The following TJAP1 variants were observed in gnomAD, a reference collection of about 807,000 sequenced individuals.
TJAP1 encodes tight junction-associated protein 1.
In TJAP1, 27 loss-of-function variants were observed where a neutral mutation model predicts 42.0. That is an observed-to-expected ratio of 0.64 (90% CI 0.47 to 0.89). The LOEUF is 0.89. Ranked by LOEUF, TJAP1 falls within the 40% of genes least tolerant of loss-of-function variation. The pLI, the probability that TJAP1 is intolerant of heterozygous loss-of-function variation, is 0.00. For missense variants in TJAP1, 712 were observed against 726.9 expected (o/e 0.98, Z 0.24); for synonymous variants, 257 against 288.4 (o/e 0.89, Z 1.10).
Position 43,505,948 on chromosome 6 carries a change from C to T in TJAP1, c.*93C>T. 15 of 1,349,122 alleles carry T rather than the reference C, an allele frequency of 1.1e-5. No homozygotes were observed. The highest frequency in any genetic ancestry group is 1.4e-5 in the Non-Finnish European group (14 of 1,032,544). The allele number at this position is 1,349,122 out of a possible 1,614,324, so 83.6% of individuals were successfully genotyped here. A position where few individuals can be genotyped will look rare whatever the true frequency, so the allele number is the denominator to read the frequency against. ...AGGGTCCCCAGTCCAAGCCCTTGAC[C>T]TCTCCTCTATCCAGACCCGCACAGC... On this transcript the variant is annotated 3_prime_UTR_variant, in exon 11 of 11. Transcript: ENST00000372449. This position sits in a 1 kb window ranked among gnomAD's most constrained non-coding sequence, Gnocchi z 5.5.
intron 6 of TJAP1, among the ~76,000 whole-genome samples, 199 bp from the exon 7 acceptor site, chr6:43,502,072 ACACACTCTCTCT>A (rs1159687801): frequency 8.5e-6 from 1 of 117,162 alleles, no homozygotes; most frequent in African/African-American, 4.6e-5. Flanking sequence ...ACACACACAC[ACACACTCTCTCT>A]CTCTCTCTCT....
At position 43,505,450 on chromosome 6, in the gene TJAP1, A is replaced by T; in HGVS notation, c.1269A>T (p.Pro423=). ...AGCGGGCATTTGTGGACCGTACTCC[A>T]CCACCTGCTGCTGTGGCCCAGCGCA... Residue 423 remains proline (P), a synonymous_variant, in exon 11 of 11, where the codon CCA becomes CCT. Transcript: ENST00000372449. The surrounding 1 kb of genome is among the most constrained non-coding windows in gnomAD (Gnocchi z 5.5). The T allele has an allele frequency of 6.2e-7, 1 of 1,613,236 alleles. No individual in the cohort carries two copies. Among genetic ancestry groups the T allele is most frequent in the South Asian group, 1.1e-5 (1 of 91,070 alleles).
At chr6:43,482,986 G>A (rs1281738211) in intron 2 of TJAP1, among the ~76,000 whole-genome samples, 14 of 152,156 alleles carry the variant, frequency 9.2e-5, no homozygotes, top group Admixed American at 8.5e-4. Flanking sequence ...GTTGGGCGTG[G>A]TGGTGCGTAC....
chr6:43,493,071 G>A (rs934312921), intron 2 of TJAP1, among the ~76,000 whole-genome samples: 3 of 152,188 alleles, frequency 2.0e-5, no homozygotes, highest in African/African-American at 7.2e-5. Context: ...AATTAAGGTG[G>A]CATACAACAC....
rs1004648272 is a variant in TJAP1 at position 43,492,859 on chromosome 6, C to T, written c.-121-5022C>T. Among the ~76,000 whole-genome samples the T allele has an allele frequency of 2.6e-5, 4 of 152,138 alleles. No individual in the cohort carries two copies. The highest frequency in any genetic ancestry group is 9.7e-5 in the African/African-American group (4 of 41,414). Reference sequence around the variant, plus strand: ...CCAGACTTGTGTGGCGGGAGTGTAGCTGACCCCCACTGGGGCACAGCTTCC... The same window carrying T: ...CCAGACTTGTGTGGCGGGAGTGTAGTTGACCCCCACTGGGGCACAGCTTCC... On this transcript the variant is annotated intron_variant, in intron 2 of 10. Transcript: ENST00000372449. The surrounding 1 kb of genome is among the most constrained non-coding windows in gnomAD (Gnocchi z 4.2).
Position 43,502,353 on chromosome 6 carries a change from A to G in TJAP1, c.357+4A>G. On this transcript the variant is annotated splice_donor_region_variant and intron_variant, in intron 7 of 10. Transcript: ENST00000372449. ...GGAGGACAAGCTGCACACACTGGTA[A>G]TCTGTCTGGGAGGGCAGCTTGGTGG... 1 of 1,613,430 alleles carries G rather than the reference A, an allele frequency of 6.2e-7. No homozygotes were observed. The highest frequency in any genetic ancestry group is 8.5e-7 in the Non-Finnish European group (1 of 1,179,908).
intron 2 of TJAP1, among the ~76,000 whole-genome samples, chr6:43,484,606 A>G (rs1316851963): frequency 6.6e-6 from 1 of 152,248 alleles, no homozygotes; most frequent in African/African-American, 2.4e-5. Context: ...AGCCAGGAGC[A>G]TTTTGAGGTG....
intron 2 of TJAP1, among the ~76,000 whole-genome samples, chr6:43,487,084 G>A (rs1425119460): frequency 1.3e-5 from 2 of 152,160 alleles, no homozygotes; most frequent in African/African-American, 4.8e-5. Flanking sequence ...AAGTCTCCTT[G>A]ACTGGTCCTG....
chr6:43,501,212 G>A, intron 5 of TJAP1: 2 of 395,318 alleles, frequency 5.1e-6, no homozygotes, highest in Non-Finnish European at 4.6e-6. Context: ...GACATGGGCT[G>A]TAACCAGAGA....
chr6:43,482,239 G>A (rs998340328), intron 2 of TJAP1, among the ~76,000 whole-genome samples: 2 of 152,162 alleles, frequency 1.3e-5, no homozygotes, highest in African/African-American at 4.8e-5. Flanking sequence ...GAGTTGCAAG[G>A]TGAAGGATGA....
At chr6:43,486,180 G>C (rs1036751376) in intron 2 of TJAP1, among the ~76,000 whole-genome samples, 1 of 151,948 alleles carries the variant, frequency 6.6e-6, no homozygotes, top group Non-Finnish European at 1.5e-5. Flanking sequence ...GGCCAGGCTA[G>C]TCTGGAACTC....
At chr6:43,503,682 C>T (rs1279161123) in exon 10 of TJAP1, 3 of 1,614,206 alleles carry the variant, frequency 1.9e-6, no homozygotes, top group Non-Finnish European at 2.5e-6. Context: ...ACAAGTCCCA[C>T]TTCCGAAACC....
exon 9 of TJAP1, chr6:43,503,471 A>C (rs1177622678): frequency 6.2e-7 from 1 of 1,614,078 alleles, no homozygotes. Context: ...AAGCTGCTGG[A>C]TGCCAAGAAC....
intron 10 of TJAP1, 151 bp from the exon 11 acceptor site, chr6:43,504,610 G>A: frequency 4.1e-6 from 4 of 981,980 alleles, no homozygotes; most frequent in Non-Finnish European, 6.1e-6. Flanking sequence ...GTGAAGTGAG[G>A]GTATACACAC....
chr6:43,493,453 T>C (rs1020981221), intron 2 of TJAP1, among the ~76,000 whole-genome samples: 1 of 152,142 alleles, frequency 6.6e-6, no homozygotes, highest in Non-Finnish European at 1.5e-5. Context: ...GAGGTAGTAG[T>C]GCAGAACGTG....
At chr6:43,484,440 C>CAAG (rs891247100) in intron 2 of TJAP1, among the ~76,000 whole-genome samples, 2 of 152,094 alleles carry the variant, frequency 1.3e-5, no homozygotes, top group Non-Finnish European at 2.9e-5. Flanking sequence ...TCCTGGGGCA[C>CAAG]AAGAGCGAGA....
Position 43,491,445 on chromosome 6 carries a change from C to T in TJAP1, c.-121-6436C>T, listed in dbSNP as rs1787808707. Among the ~76,000 whole-genome samples the T allele has an allele frequency of 6.6e-6, 1 of 152,078 alleles. No individual in the cohort carries two copies. Among genetic ancestry groups the T allele is most frequent in the Non-Finnish European group, 1.5e-5 (1 of 68,008 alleles). On this transcript the variant is annotated intron_variant, in intron 2 of 10. Transcript: ENST00000372449. The surrounding 1 kb of genome is among the most constrained non-coding windows in gnomAD (Gnocchi z 4.6). ...AGCTGGGATTACAGGCATGCGCCAC[C>T]ACGCCCGGCTCATTTTGTATTTTTA...
In TJAP1 at chr6:43,505,631, G is replaced by T; in HGVS notation, c.1450G>T (p.Glu484Ter). ...TGACTCTGGCTTTCCCAGGGAGGAA[G>T]AAGAGCTGAACCTGCCTATCAGTCC... Residue 484 changes from glutamate to a stop codon, truncating the protein, a stop_gained, in exon 11 of 11, where the codon GAA becomes TAA. Coordinates refer to ENST00000372449, the Ensembl canonical transcript of TJAP1. LOFTEE classifies it high-confidence loss of function. The surrounding 1 kb of genome is among the most constrained non-coding windows in gnomAD (Gnocchi z 5.5). 1 of 1,613,358 alleles carries T rather than the reference G, an allele frequency of 6.2e-7. No individual in the cohort carries two copies. Among genetic ancestry groups the T allele is most frequent in the Non-Finnish European group, 8.5e-7 (1 of 1,180,032 alleles).
chr6:43,500,950 G>A (rs1348918867), intron 5 of TJAP1, 178 bp downstream of exon 5: 1 of 694,046 alleles, frequency 1.4e-6, no homozygotes, highest in Non-Finnish European at 2.5e-6. Flanking sequence ...CTGGAAAATG[G>A]GATTTTATTG....
Sources: allele counts gnomAD v4.1 joint callset (sites outside exome capture counted in the v4.1 genomes callset), GRCh38; gene constraint gnomAD v4.1.1; non-coding constraint Gnocchi (gnomAD v3.1); transcripts MANE v1.5; gene names NCBI Gene and HGNC (gene_info 2026-07-23, HGNC 2026-07-21).